EIF4G3: variants seen among roughly 807,000 people sequenced by gnomAD.
The protein encoded by EIF4G3 is eIF-4-gamma 3.
Under a neutral mutation model 186.4 loss-of-function variants are expected in EIF4G3, and 34 were observed. The ratio of observed to expected loss-of-function variants is 0.18; its 90% CI spans 0.14 to 0.24. EIF4G3 has a LOEUF of 0.24. EIF4G3 is among the 10% of genes least tolerant of loss of function. EIF4G3 has a pLI of 1.00. For synonymous variants in EIF4G3, 673 were observed against 679.5 expected, an observed-to-expected ratio of 0.99 and a Z score of 0.15; for missense variants, 1,536 against 1,948.5, an observed-to-expected ratio of 0.79 and a Z score of 3.99.
chr1:20,860,625 TG>T, intron 23 of EIF4G3, 108 bp from the exon 24 acceptor site: 1 of 1,232,784 alleles, frequency 8.1e-7, no homozygotes, highest in Non-Finnish European at 1.1e-6. Context: ...CTACAAAAGC[TG>T]TATTATGGCA....
chr1:20,981,243 A>G lies in EIF4G3; in HGVS notation c.199-16T>C, dbSNP rs372954032. 3.0e-4 allele frequency: 464 copies of G among 1,547,774 alleles called. 3 individuals carry two copies. The African/African-American group carries it at 4.5e-3, about 15-fold the overall frequency. ...TCTGGAAAAACTGGGAAGGGGAGAA[A>G]AAAAAAATTTTTTTTTTTTTTTAAC... On this transcript the variant is annotated splice_polypyrimidine_tract_variant and intron_variant, in intron 8 of 36. Transcript: ENST00000602326.
chr1:21,134,584 A>C (rs1330519424), intron 2 of EIF4G3, among the ~76,000 whole-genome samples: 1 of 152,194 alleles, frequency 6.6e-6, no homozygotes, highest in Non-Finnish European at 1.5e-5. Context: ...CATGAGAATC[A>C]CTTGAGCCCG....
intron 4 of EIF4G3, among the ~76,000 whole-genome samples, chr1:21,047,654 G>A (rs1434493685): frequency 1.3e-5 from 2 of 151,982 alleles, no homozygotes; most frequent in African/African-American, 2.4e-5. Context: ...ATATGTGTAG[G>A]ACTCTCATGT....
chr1:21,002,994 T>TTC (rs1557441286), intron 4 of EIF4G3, among the ~76,000 whole-genome samples, 186 bp from the exon 5 acceptor site: 2 of 150,150 alleles, frequency 1.3e-5, no homozygotes, highest in East Asian at 3.9e-4. Flanking sequence ...TTCTTTCTTT[T>TTC]TTTTTTTTTT....
Position 21,012,937 on chromosome 1 carries a change from C to T in EIF4G3, c.-66-10129G>A, listed in dbSNP as rs1338679572. The stretch of plus-strand genomic sequence containing the variant: ...GCAGGAAAACCCGCCTCCGAACACA[C>T]ATTCCCACTGAAAAAACTGAAAATC... On this transcript the variant is annotated intron_variant, in intron 4 of 36. Transcript: ENST00000602326. Among the ~76,000 whole-genome samples the T allele has an allele frequency of 3.9e-5, 6 of 152,308 alleles. No individual in the cohort carries two copies. In the South Asian group the frequency reaches 8.3e-4, roughly 21 times the overall value.
At chr1:21,134,606 T>G (rs1238049921) in intron 2 of EIF4G3, among the ~76,000 whole-genome samples, 2 of 152,022 alleles carry the variant, frequency 1.3e-5, no homozygotes, top group East Asian at 3.9e-4. Flanking sequence ...GAGGCGGAGG[T>G]TGCAGTGAGC....
chr1:21,008,752 A>G (rs189218019), intron 4 of EIF4G3, among the ~76,000 whole-genome samples: 1 of 152,350 alleles, frequency 6.6e-6, no homozygotes, highest in Admixed American at 6.5e-5. Context: ...ATACAGAAGA[A>G]CATTTAATGA....
intron 29 of EIF4G3, among the ~76,000 whole-genome samples, chr1:20,845,616 C>G (rs572036427): frequency 2.6e-5 from 4 of 151,690 alleles, no homozygotes; most frequent in Non-Finnish European, 5.9e-5. Context: ...GAGCCGAGAT[C>G]GCGCCACTGC....
intron 2 of EIF4G3, among the ~76,000 whole-genome samples, chr1:21,129,677 G>T (rs1162678068): frequency 1.3e-5 from 2 of 151,974 alleles, no homozygotes; most frequent in Non-Finnish European, 2.9e-5. Flanking sequence ...TCTCCCCCAG[G>T]ACATTTCCAA....
At chr1:21,083,722 T>C (rs2095867679) in intron 3 of EIF4G3, among the ~76,000 whole-genome samples, 1 of 152,206 alleles carries the variant, frequency 6.6e-6, no homozygotes. Flanking sequence ...TTCAAAAGCT[T>C]AGATTCAAAT....
intron 20 of EIF4G3, among the ~76,000 whole-genome samples, chr1:20,870,553 A>G (rs1438054256): frequency 6.6e-6 from 1 of 152,152 alleles, no homozygotes; most frequent in African/African-American, 2.4e-5. Context: ...CAAAACAGAA[A>G]AAGTCCCTTT....
At chr1:21,116,607 G>T (rs1408464823) in intron 2 of EIF4G3, among the ~76,000 whole-genome samples, 2 of 152,032 alleles carry the variant, frequency 1.3e-5, no homozygotes, top group Non-Finnish European at 2.9e-5. Flanking sequence ...GGAGGCTGAG[G>T]GGGGTGCGGA....
intron 4 of EIF4G3, among the ~76,000 whole-genome samples, chr1:21,004,187 T>C (rs1357713669): frequency 2.6e-5 from 4 of 152,198 alleles, no homozygotes; most frequent in Non-Finnish European, 5.9e-5. Context: ...CTTACATACC[T>C]TAATCCTTTT....
intron 11 of EIF4G3, 118 bp downstream of exon 11, chr1:20,972,883 AT>A: frequency 1.3e-6 from 1 of 775,326 alleles, no homozygotes; most frequent in Non-Finnish European, 2.0e-6. Flanking sequence ...TAAGGGAAGA[AT>A]AAAAAAAAAA....
chr1:20,999,867 G>A (rs563402166), intron 6 of EIF4G3: 33 of 338,230 alleles, frequency 9.8e-5, no homozygotes, highest in South Asian at 7.5e-4. Context: ...TTAAAGAAGG[G>A]TCTTTAAGAT....
At chr1:20,962,973 T>C (rs1558459745) in intron 12 of EIF4G3, among the ~76,000 whole-genome samples, 1 of 149,156 alleles carries the variant, frequency 6.7e-6, no homozygotes, top group East Asian at 2.1e-4. Context: ...GCTGGTCTCA[T>C]ACTCCTGGGC....
At chr1:20,981,265 T>TA (rs2077900872) in intron 8 of EIF4G3, 38 bp from the exon 9 acceptor site, 4 of 1,303,308 alleles carry the variant, frequency 3.1e-6, no homozygotes, top group African/African-American at 1.5e-5. Flanking sequence ...TTTTTTTTTT[T>TA]AACACAGGGG....
At chr1:21,059,121 G>C (rs1245579728) in intron 3 of EIF4G3, among the ~76,000 whole-genome samples, 3 of 151,972 alleles carry the variant, frequency 2.0e-5, no homozygotes, top group Non-Finnish European at 2.9e-5. Flanking sequence ...TTCCTATAAA[G>C]GTAAAAGGCA....
At position 21,095,127 on chromosome 1, in the gene EIF4G3, A is replaced by C. The variant is rs532354534; in HGVS notation, c.-271-5914T>G. Among the ~76,000 whole-genome samples the C allele has an allele frequency of 2.0e-5, 3 of 152,334 alleles. No individual in the cohort carries two copies. In the South Asian group the frequency reaches 6.2e-4, roughly 32 times the overall value. On this transcript the variant is annotated intron_variant, in intron 2 of 36. Transcript: ENST00000602326. ...TATATTACTTAACACGCCTAGCAGAATCTAGGCAGCACCCTTAATCAAACA... is the reference window on the plus strand; with the variant it reads ...TATATTACTTAACACGCCTAGCAGACTCTAGGCAGCACCCTTAATCAAACA...
Sources: allele counts gnomAD v4.1 joint callset (sites outside exome capture counted in the v4.1 genomes callset), GRCh38; gene constraint gnomAD v4.1.1; transcripts MANE v1.5; gene names NCBI Gene and HGNC (gene_info 2026-07-23, HGNC 2026-07-21).